The following PTPRT variants were observed in gnomAD, a reference collection of about 807,000 sequenced individuals.
PTPRT encodes receptor-type tyrosine-protein phosphatase T.
Under a neutral mutation model 176.8 loss-of-function variants are expected in PTPRT, and 56 were observed. The observed-to-expected ratio is 0.32, with a 90% CI of 0.26 to 0.40. The LOEUF (loss-of-function observed/expected upper bound fraction) is 0.40, where lower values mean the gene tolerates loss of function less well. Ranked by LOEUF, PTPRT falls within the 10% of genes least tolerant of loss-of-function variation. The probability of loss-of-function intolerance (pLI) is 1.00; values close to 1 mark genes in which losing one functional copy is unlikely to be tolerated. For missense variants in PTPRT, 1,540 were observed against 1,908.2 expected (o/e 0.81, Z 3.60); for synonymous variants, 783 against 739.0 (o/e 1.06, Z -0.96).
At chr20:42,528,808 T>G (rs2072325062) in intron 7 of PTPRT, among the ~76,000 whole-genome samples, 1 of 152,210 alleles carries the variant, frequency 6.6e-6, no homozygotes, top group Non-Finnish European at 1.5e-5. Flanking sequence ...TGCTTAATCT[T>G]AGATATCTCT....
At chr20:42,334,847 A>G (rs533140520) in intron 11 of PTPRT, among the ~76,000 whole-genome samples, 1 of 152,360 alleles carries the variant, frequency 6.6e-6, no homozygotes, top group South Asian at 2.1e-4. Flanking sequence ...GAACTGCAAT[A>G]GACAATAATG....
intron 1 of PTPRT, among the ~76,000 whole-genome samples, chr20:42,976,686 C>T (rs142008311): frequency 0.014 from 2,204 of 152,234 alleles, 60 homozygotes; most frequent in African/African-American, 0.05. Context: ...GGATTACAGG[C>T]GTGAGCCACC....
chr20:43,178,013 T>C (rs991335158), intron 1 of PTPRT, among the ~76,000 whole-genome samples: 2 of 152,226 alleles, frequency 1.3e-5, no homozygotes, highest in African/African-American at 4.8e-5. Context: ...CCTTGGGAAG[T>C]ATACCCAGAA....
At chr20:42,506,207 T>C (rs776806268) in intron 7 of PTPRT, among the ~76,000 whole-genome samples, 3 of 152,230 alleles carry the variant, frequency 2.0e-5, no homozygotes, top group African/African-American at 4.8e-5. Context: ...ACTCTAGTAA[T>C]GTATACATAC....
the PTPRT span, among the ~76,000 whole-genome samples, chr20:42,039,702 A>AT: frequency 1.4e-5 from 2 of 142,514 alleles, no homozygotes; most frequent in African/African-American, 2.5e-5. Context: ...GTATATATAT[A>AT]GTAATGTATA....
intron 15 of PTPRT, among the ~76,000 whole-genome samples, chr20:42,227,600 G>GTTTTTTTTTTTTTTTTTTTTTTT (rs10854224): frequency 1.6e-5 from 1 of 61,868 alleles, no homozygotes. Context: ...GTCCCTCATT[G>GTTTTTTTTTTTTTTTTTTTTTTT]TTTTTTTTTT....
intron 2 of PTPRT, among the ~76,000 whole-genome samples, chr20:42,830,227 A>C (rs759789651): frequency 5.9e-5 from 9 of 152,184 alleles, no homozygotes; most frequent in Non-Finnish European, 1.3e-4. Context: ...ATCCAGCAAA[A>C]CATCACAAAC....
In PTPRT at chr20:42,257,528, A is replaced by T. The variant is rs571144566; in HGVS notation, c.2177-8706T>A. Among the ~76,000 whole-genome samples the T allele has an allele frequency of 1.9e-4, 29 of 150,914 alleles. No homozygotes were observed. In the South Asian group the frequency reaches 5.3e-3, roughly 27 times the overall value. On this transcript the variant is annotated intron_variant, in intron 13 of 30. Coordinates refer to ENST00000373187, the MANE Select transcript of PTPRT (RefSeq NM_007050.6). The stretch of plus-strand genomic sequence containing the variant: ...AGTGTTGGAGGTGGGGCCTGGTAGG[A>T]GGTGGTTGGATCCCTCATGAACGGT...
At chr20:42,500,629 T>A (rs2071735769) in intron 7 of PTPRT, among the ~76,000 whole-genome samples, 1 of 152,144 alleles carries the variant, frequency 6.6e-6, no homozygotes, top group Non-Finnish European at 1.5e-5. Context: ...CCAAGTGAAA[T>A]AGATGTAGTG....
intron 7 of PTPRT, among the ~76,000 whole-genome samples, chr20:42,634,336 T>G (rs187716562): frequency 8.0e-5 from 12 of 149,484 alleles, no homozygotes; most frequent in Admixed American, 1.4e-4. Flanking sequence ...TACCCCCTAT[T>G]TCTCTCTTTC....
chr20:42,709,220 G>C (rs1277718339), intron 6 of PTPRT, among the ~76,000 whole-genome samples: 3 of 152,186 alleles, frequency 2.0e-5, no homozygotes, highest in Non-Finnish European at 4.4e-5. Context: ...GATGGCGGCT[G>C]CTCTATCATC....
At chr20:42,334,797 A>C (rs1335062800) in intron 11 of PTPRT, among the ~76,000 whole-genome samples, 1 of 152,232 alleles carries the variant, frequency 6.6e-6, no homozygotes, top group Non-Finnish European at 1.5e-5. Context: ...ATTTATAAGA[A>C]CTGAATACGA....
At chr20:42,882,555 T>C (rs1247554946) in intron 2 of PTPRT, among the ~76,000 whole-genome samples, 1 of 152,194 alleles carries the variant, frequency 6.6e-6, no homozygotes, top group Non-Finnish European at 1.5e-5. Context: ...ACATGATCAG[T>C]TAGTAAAGCA....
intron 1 of PTPRT, among the ~76,000 whole-genome samples, chr20:42,886,657 G>A (rs1472296503): frequency 6.6e-6 from 1 of 152,180 alleles, no homozygotes; most frequent in Non-Finnish European, 1.5e-5. Context: ...TAAAGGTCAA[G>A]CCATCCACCA....
In PTPRT at chr20:43,100,098, G is replaced by A. The variant is rs561751850; in HGVS notation, c.88+89548C>T. On this transcript the variant is annotated intron_variant, in intron 1 of 30. Transcript: ENST00000373187. ...TTCAAGAATATAGACACAATGTGTC[G>A]GGCACAGTGGCTCATGCCAGTAATC... Among the ~76,000 whole-genome samples the A allele has an allele frequency of 1.1e-4, 17 of 152,258 alleles. No homozygotes were observed. In the East Asian group the frequency reaches 1.7e-3, roughly 16 times the overall value.
In PTPRT at chr20:43,046,001, A is replaced by G. The variant is rs75096133; in HGVS notation, c.88+143645T>C. ...GCATTCCAAAGAGATGGAAGAGTGA[A>G]TGCAAAGGCCAAGAAATGGGCTAAC... is the stretch of plus-strand genomic sequence containing the variant. On this transcript the variant is annotated intron_variant, in intron 1 of 30. Coordinates refer to ENST00000373187, the MANE Select transcript of PTPRT (RefSeq NM_007050.6). Among the ~76,000 whole-genome samples the G allele has an allele frequency of 4.4e-3, 665 of 152,276 alleles. 5 individuals are homozygous for G. Among genetic ancestry groups the G allele is most frequent in the African/African-American group, 0.015 (636 of 41,546 alleles).
intron 1 of PTPRT, among the ~76,000 whole-genome samples, chr20:43,103,077 A>G (rs545037929): frequency 2.0e-5 from 3 of 152,252 alleles, no homozygotes; most frequent in South Asian, 4.2e-4. Flanking sequence ...CCTGTTTACT[A>G]CCTGCCAACC....
intron 9 of PTPRT, among the ~76,000 whole-genome samples, chr20:42,395,968 C>T (rs982211332): frequency 9.9e-5 from 15 of 152,156 alleles, no homozygotes; most frequent in African/African-American, 3.4e-4. Flanking sequence ...TCCAGCTTTA[C>T]GTCTGCAAAG....
chr20:42,227,464 C>A (rs1485474465), intron 15 of PTPRT, among the ~76,000 whole-genome samples: 2 of 152,156 alleles, frequency 1.3e-5, no homozygotes, highest in Non-Finnish European at 2.9e-5. Flanking sequence ...CCTATGAACA[C>A]TTTGCCTACC....
Sources: gnomAD v4.1 joint callset for allele counts (sites outside exome capture counted in the v4.1 genomes callset) on GRCh38, gnomAD v4.1.1 for gene constraint, MANE v1.5 for transcripts, NCBI Gene and HGNC (gene_info 2026-07-23, HGNC 2026-07-21) for gene names.